Variants in ROBO1 observed in about 807,000 individuals in gnomAD.
ROBO1 encodes the protein roundabout homolog 1.
A neutral mutation model predicts 195.9 loss-of-function variants in ROBO1; 149 were observed. The observed-to-expected ratio is 0.76, with a 90% CI of 0.67 to 0.87. ROBO1 has a LOEUF of 0.87. Ranked by LOEUF, ROBO1 falls within the 40% of genes least tolerant of loss-of-function variation. The pLI is 0.00. For missense variants in ROBO1, 1,933 were observed against 2,068.3 expected (o/e 0.93, Z 1.27); for synonymous variants, 816 against 733.2 (o/e 1.11, Z -1.82).
chr3:79,156,902 A>G (rs938310401), intron 2 of ROBO1, among the ~76,000 whole-genome samples: 4 of 151,836 alleles, frequency 2.6e-5, no homozygotes, highest in Non-Finnish European at 5.9e-5. Flanking sequence ...TTTTACTAAT[A>G]GTTCCATGTT....
At chr3:79,042,096 G>GGCTACTATT (rs1372660965) in intron 3 of ROBO1, among the ~76,000 whole-genome samples, 1 of 152,076 alleles carries the variant, frequency 6.6e-6, no homozygotes, top group Admixed American at 6.6e-5. Context: ...AAAGGATGAA[G>GGCTACTATT]GCTACTATTT....
intron 3 of ROBO1, among the ~76,000 whole-genome samples, chr3:78,957,480 C>A (rs2041107596): frequency 6.6e-6 from 1 of 152,066 alleles, no homozygotes; most frequent in African/African-American, 2.4e-5. Flanking sequence ...AACATGGGGG[C>A]CCGTAAACAA....
At chr3:78,888,380 AG>A (rs2036686755) in intron 4 of ROBO1, among the ~76,000 whole-genome samples, 1 of 152,188 alleles carries the variant, frequency 6.6e-6, no homozygotes, top group Non-Finnish European at 1.5e-5. Flanking sequence ...GATCACGGGA[AG>A]GTGGAGTTTA....
intron 2 of ROBO1, among the ~76,000 whole-genome samples, chr3:79,140,077 T>C (rs2080493003): frequency 6.6e-6 from 1 of 152,134 alleles, no homozygotes; most frequent in Non-Finnish European, 1.5e-5. Context: ...TGTAGCTACC[T>C]GGGTTTGAGG....
intron 1 of ROBO1, among the ~76,000 whole-genome samples, chr3:79,681,180 G>A (rs890894900): frequency 6.6e-6 from 1 of 152,040 alleles, no homozygotes; most frequent in Non-Finnish European, 1.5e-5. Flanking sequence ...TAACGATGAA[G>A]GAGTGGTAGC....
At chr3:79,575,399 A>G (rs1453373960) in intron 2 of ROBO1, among the ~76,000 whole-genome samples, 2 of 129,702 alleles carry the variant, frequency 1.5e-5, no homozygotes, top group Non-Finnish European at 3.1e-5. Context: ...ACAAATATAT[A>G]TAAATATAGA....
chr3:79,129,184 T>C (rs1348862449), intron 2 of ROBO1, among the ~76,000 whole-genome samples: 3 of 152,184 alleles, frequency 2.0e-5, no homozygotes, highest in Non-Finnish European at 2.9e-5. Flanking sequence ...TTCTTTCCTA[T>C]AGTCCCTACC....
chr3:79,714,478 A>G (rs1702398228), intron 1 of ROBO1, among the ~76,000 whole-genome samples: 1 of 152,154 alleles, frequency 6.6e-6, no homozygotes, highest in African/African-American at 2.4e-5. Context: ...ATACCATTTG[A>G]ACCAGCCATC....
rs138033514 is a variant in ROBO1 at position 79,059,719 on chromosome 3, T to A, written c.172+65737A>T. 3.4e-4 allele frequency among the ~76,000 whole-genome samples: 51 copies of A among 152,226 alleles called. 1 individual carries two copies. In the East Asian group the frequency reaches 8.9e-3, roughly 27 times the overall value. On this transcript the variant is annotated intron_variant, in intron 3 of 30. Transcript: ENST00000464233. ...ATCACTTCCCCAATCAATACTCTTA[T>A]AATTTCCTATGCCTGTCTTTACTTT...
rs1173625807 is a variant in ROBO1, at chr3:78,738,075, G to T, written c.657+8668C>A. Among the ~76,000 whole-genome samples, 3 of 152,152 alleles carry T rather than the reference G, an allele frequency of 2.0e-5. No individual in the cohort carries two copies. The East Asian group carries it at 5.8e-4, about 29-fold the overall frequency. On this transcript the variant is annotated intron_variant, in intron 5 of 30. Transcript: ENST00000464233. The stretch of plus-strand genomic sequence containing the variant: ...AACAATGAAAGAAATTGGAAGAGCA[G>T]ACGAAAGCACTAATCGAAGGAAGGG...
intron 4 of ROBO1, among the ~76,000 whole-genome samples, chr3:78,787,668 G>A (rs1318344912): frequency 6.6e-6 from 1 of 152,132 alleles, no homozygotes; most frequent in East Asian, 1.9e-4. Flanking sequence ...CTCTGGTCAG[G>A]TGCGGTGGCT....
chr3:79,737,536 C>G (rs1011293645), intron 1 of ROBO1, among the ~76,000 whole-genome samples: 4 of 152,086 alleles, frequency 2.6e-5, no homozygotes, highest in Non-Finnish European at 5.9e-5. Flanking sequence ...AAGAATTTCT[C>G]TAAATCTTAA....
chr3:79,584,619 G>T (rs1943763688), intron 2 of ROBO1, among the ~76,000 whole-genome samples: 1 of 127,164 alleles, frequency 7.9e-6, no homozygotes, highest in Admixed American at 7.4e-5. Context: ...GAGTGTGTGT[G>T]TGTGTGTGTG....
intron 2 of ROBO1, among the ~76,000 whole-genome samples, chr3:79,284,915 C>A (rs547170706): frequency 6.6e-6 from 1 of 151,726 alleles, no homozygotes; most frequent in African/African-American, 2.4e-5. Context: ...GAACAGGTGA[C>A]AAAATAGCCT....
At chr3:79,183,333 C>A (rs770125716) in intron 2 of ROBO1, among the ~76,000 whole-genome samples, 4 of 152,118 alleles carry the variant, frequency 2.6e-5, no homozygotes, top group Admixed American at 6.5e-5. Flanking sequence ...GGAACTCTGG[C>A]AGTAGATGGA....
chr3:79,587,514 TTGTC>T (rs1943866196), intron 2 of ROBO1, among the ~76,000 whole-genome samples: 2 of 151,802 alleles, frequency 1.3e-5, no homozygotes, highest in Non-Finnish European at 2.9e-5. Context: ...TTTTTTTCAT[TTGTC>T]TGATTTCCTT....
intron 2 of ROBO1, among the ~76,000 whole-genome samples, chr3:79,358,640 C>T (rs1359619886): frequency 6.6e-6 from 1 of 151,912 alleles, no homozygotes; most frequent in East Asian, 1.9e-4. Context: ...CCATGCTGGA[C>T]GTCTGGATAC....
intron 2 of ROBO1, among the ~76,000 whole-genome samples, chr3:79,576,532 GAAAAC>G (rs1943490808): frequency 6.6e-6 from 1 of 151,652 alleles, no homozygotes; most frequent in South Asian, 2.1e-4. Context: ...TCTAGTTTAA[GAAAAC>G]AAAACAAAGA....
intron 2 of ROBO1, among the ~76,000 whole-genome samples, chr3:79,513,149 A>G (rs1277970751): frequency 6.6e-6 from 1 of 152,152 alleles, no homozygotes; most frequent in African/African-American, 2.4e-5. Context: ...AACCAACAGT[A>G]TATTTAATGA....
Sources: allele counts gnomAD v4.1 joint callset (sites outside exome capture counted in the v4.1 genomes callset), GRCh38; gene constraint gnomAD v4.1.1; transcripts MANE v1.5; gene names NCBI Gene and HGNC (gene_info 2026-07-23, HGNC 2026-07-21).